The following MAF variants were observed in gnomAD, a reference collection of about 807,000 sequenced individuals.
MAF encodes MAF bZIP transcription factor.
MAF carries 10 observed loss-of-function variants against 22.0 expected under a neutral mutation model. The observed-to-expected ratio is 0.45, with a 90% confidence interval of 0.28 to 0.77. The LOEUF (loss-of-function observed/expected upper bound fraction) is 0.77. MAF is among the 30% of genes least tolerant of loss of function. The probability of loss-of-function intolerance (pLI) is 0.12; values close to 1 mark genes in which losing one functional copy is unlikely to be tolerated. For missense variants in MAF, 544 were observed against 548.4 expected (o/e 0.99, Z 0.08); for synonymous variants, 337 against 255.8 (o/e 1.32, Z -3.03).
At chr16:79,308,910 C>T in the MAF span, among the ~76,000 whole-genome samples, 1 of 152,140 alleles carries the variant, frequency 6.6e-6, no homozygotes, top group Non-Finnish European at 1.5e-5. Flanking sequence ...GGACTCCTGC[C>T]TTTAGAAAGC....
At chr16:79,401,053 G>T in the MAF span, among the ~76,000 whole-genome samples, 1 of 152,168 alleles carries the variant, frequency 6.6e-6, no homozygotes, top group East Asian at 1.9e-4. Flanking sequence ...AACTTCACCA[G>T]GAAGTGGTGA....
chr16:79,501,795 T>C, the MAF span, among the ~76,000 whole-genome samples: 1 of 152,228 alleles, frequency 6.6e-6, no homozygotes, highest in African/African-American at 2.4e-5. Flanking sequence ...GCAGGCTGTG[T>C]TTTAAATGGA....
At chr16:79,496,181 A>G in the MAF span, among the ~76,000 whole-genome samples, 6 of 152,326 alleles carry the variant, frequency 3.9e-5, no homozygotes, top group East Asian at 1.2e-3. Context: ...AGCAGTAGCT[A>G]ACTAGTACGT....
chr16:79,560,421 G>GA, the MAF span, among the ~76,000 whole-genome samples: 2,637 of 141,752 alleles, frequency 0.019, 34 homozygotes, highest in African/African-American at 0.03. Context: ...AAAGCAAGCT[G>GA]AAAAAAAAAA....
In MAF at chr16:79,600,466, G is replaced by C. The variant is rs1913971167; in HGVS notation, c.-564C>G. On this transcript the variant is annotated 5_prime_UTR_variant, in exon 1 of 2. Transcript: ENST00000326043. The stretch of plus-strand genomic sequence containing the variant: ...CTTCATGCTTCTCGCCTCCTCTTCT[G>C]CTTGGCTCTCTTTATTATTTTTTTT... 5.1e-6 allele frequency: 1 copy of C among 196,052 alleles called. No homozygotes were observed. The highest frequency in any genetic ancestry group is 1.2e-5 in the Non-Finnish European group (1 of 85,342). 12.1% of individuals were successfully genotyped at this position (196,052 alleles called of 1,614,324 possible).
At chr16:79,473,839 A>T in the MAF span, among the ~76,000 whole-genome samples, 15 of 152,034 alleles carry the variant, frequency 9.9e-5, no homozygotes, top group African/African-American at 3.4e-4. Context: ...TTTTAAATTT[A>T]AAAAAAATCA....
the MAF span, among the ~76,000 whole-genome samples, chr16:79,417,430 C>T: frequency 1.3e-5 from 2 of 152,232 alleles, no homozygotes; most frequent in African/African-American, 2.4e-5. Flanking sequence ...GGAGGGGATA[C>T]TTCTCCCTCT....
At chr16:79,593,407 A>C (rs1913301361), downstream of MAF, among the ~76,000 whole-genome samples, 1 of 152,148 alleles carries the variant, frequency 6.6e-6, no homozygotes. Flanking sequence ...CACTGCTTTT[A>C]GCAGGAAAAC....
At chr16:79,392,517 G>C in the MAF span, among the ~76,000 whole-genome samples, 9 of 146,310 alleles carry the variant, frequency 6.2e-5, no homozygotes, top group African/African-American at 2.3e-4. Context: ...GAGAGAGAGA[G>C]AAACAAAGCC....
the MAF span, among the ~76,000 whole-genome samples, chr16:79,546,421 A>G: frequency 6.6e-6 from 1 of 152,098 alleles, no homozygotes; most frequent in East Asian, 1.9e-4. Context: ...GGGCTGGGAG[A>G]AGAGATAGAA....
the MAF span, among the ~76,000 whole-genome samples, chr16:79,220,736 C>G: frequency 9.2e-5 from 14 of 152,180 alleles, no homozygotes; most frequent in African/African-American, 3.1e-4. Flanking sequence ...ATATTTAAGG[C>G]TCTGGGTAGT....
At chr16:79,510,281 T>C in the MAF span, among the ~76,000 whole-genome samples, 53 of 152,342 alleles carry the variant, frequency 3.5e-4, no homozygotes, top group Admixed American at 1.2e-3. Context: ...TCTTGGCTTC[T>C]TCATTGCTCT....
At chr16:79,554,791 C>T in the MAF span, among the ~76,000 whole-genome samples, 3 of 152,266 alleles carry the variant, frequency 2.0e-5, no homozygotes, top group Middle Eastern at 3.4e-3. Context: ...ATGGGCATCA[C>T]GTGTGACCCC....
chr16:79,477,954 C>T, the MAF span, among the ~76,000 whole-genome samples: 1 of 142,892 alleles, frequency 7.0e-6, no homozygotes, highest in Non-Finnish European at 1.6e-5. Context: ...GAACTCCTGA[C>T]CTCGTGATCC....
the MAF span, among the ~76,000 whole-genome samples, chr16:79,246,913 T>A: frequency 6.6e-6 from 1 of 152,242 alleles, no homozygotes; most frequent in Non-Finnish European, 1.5e-5. Flanking sequence ...TGCCAGGTAC[T>A]GTTTTAGGTT....
the MAF span, among the ~76,000 whole-genome samples, chr16:79,282,373 TA>T: frequency 1.3e-5 from 2 of 152,228 alleles, no homozygotes; most frequent in Admixed American, 1.3e-4. Flanking sequence ...TTTGTGATCA[TA>T]AAAACAGCAG....
the MAF span, among the ~76,000 whole-genome samples, chr16:79,391,846 GA>G: frequency 6.7e-6 from 1 of 148,188 alleles, no homozygotes; most frequent in African/African-American, 2.6e-5. Context: ...GAAAGTGGGG[GA>G]AAGAGAGAGA....
At chr16:79,566,005 C>A in the MAF span, among the ~76,000 whole-genome samples, 1 of 152,168 alleles carries the variant, frequency 6.6e-6, no homozygotes, top group Non-Finnish European at 1.5e-5. Context: ...TCACCCTGCA[C>A]TGATAGACCC....
At chr16:79,549,812 G>C in the MAF span, among the ~76,000 whole-genome samples, 8 of 152,170 alleles carry the variant, frequency 5.3e-5, no homozygotes, top group Admixed American at 4.6e-4. Context: ...ATTGAATCTA[G>C]GGATGGAATG....
Sources: gnomAD v4.1 joint callset for allele counts (sites outside exome capture counted in the v4.1 genomes callset) on GRCh38, gnomAD v4.1.1 for gene constraint, MANE v1.5 for transcripts, NCBI Gene and HGNC (gene_info 2026-07-23, HGNC 2026-07-21) for gene names.